Variants in SUFU observed in about 807,000 individuals in gnomAD.
SUFU encodes suppressor of fused homolog.
SUFU carries 7 observed loss-of-function variants against 58.9 expected under a neutral mutation model. That is an observed-to-expected ratio of 0.12 (90% CI 0.07 to 0.22). The LOEUF (loss-of-function observed/expected upper bound fraction) is 0.22. SUFU is among the 10% of genes least tolerant of loss of function. The pLI is 1.00. For synonymous variants in SUFU, 232 were observed against 254.8 expected (o/e 0.91, Z 0.85); for missense variants, 451 against 641.3 (o/e 0.70, Z 3.20).
chr10:102,629,979 G>A lies in SUFU; in HGVS notation c.1366-87G>A, dbSNP rs952286026. On this transcript the variant is annotated intron_variant, in intron 11 of 11. Coordinates refer to ENST00000369902, the MANE Select transcript of SUFU (RefSeq NM_016169.4). The surrounding 1 kb of genome is among the most constrained non-coding windows in gnomAD (Gnocchi z 4.7). ...CGGCCTGTCCTATCCCTAGCTCCCC[G>A]GGGACAGGCCTGGGCAATCTCTGGA... The A allele has an allele frequency of 6.4e-5, 80 of 1,253,024 alleles. No individual in the cohort carries two copies. Among genetic ancestry groups the A allele is most frequent in the South Asian group, 2.6e-4 (22 of 83,818 alleles). The allele number at this position is 1,253,024 out of a possible 1,614,324, so 77.6% of individuals were successfully genotyped here. A position where few individuals can be genotyped will look rare whatever the true frequency, so the allele number is the denominator to read the frequency against.
intron 2 of SUFU, among the ~76,000 whole-genome samples, chr10:102,533,575 A>T (rs978187348): frequency 2.0e-5 from 3 of 152,094 alleles, no homozygotes; most frequent in African/African-American, 7.2e-5. Flanking sequence ...CCCTGTCTTG[A>T]AAAAAAGCAA....
At chr10:102,594,159 T>G in intron 6 of SUFU, 94 bp downstream of exon 6, 1 of 1,229,950 alleles carries the variant, frequency 8.1e-7, no homozygotes, top group African/African-American at 1.5e-5. Context: ...AGAGGACCTT[T>G]ATGTGTGAGT....
At chr10:102,618,939 T>TGTGTGTGC (rs1273239801) in intron 10 of SUFU, 429 of 523,508 alleles carry the variant, frequency 8.2e-4, no homozygotes, top group South Asian at 7.9e-3. Context: ...AGCGTGTGTG[T>TGTGTGTGC]GTGTGTGTGT....
intron 3 of SUFU, among the ~76,000 whole-genome samples, chr10:102,579,242 G>T (rs537783832): frequency 1.3e-5 from 2 of 152,176 alleles, no homozygotes; most frequent in Non-Finnish European, 2.9e-5. Context: ...ACCCTCATTG[G>T]GGGGAGAATG....
intron 3 of SUFU, among the ~76,000 whole-genome samples, chr10:102,580,223 C>T (rs1356556517): frequency 3.3e-5 from 5 of 152,110 alleles, no homozygotes; most frequent in East Asian, 1.9e-4. Flanking sequence ...GGCAGGGGTG[C>T]GAAATTCTGT....
At chr10:102,593,952 A>T (rs2063433369) in intron 5 of SUFU, 41 bp from the exon 6 acceptor site, 1 of 1,611,662 alleles carries the variant, frequency 6.2e-7, no homozygotes, top group African/African-American at 1.3e-5. Context: ...CATCAGCCCC[A>T]GACCCTCAGT....
chr10:102,590,153 CTTTTTTCTT>C (rs1471045183), intron 3 of SUFU, among the ~76,000 whole-genome samples: 3 of 73,840 alleles, frequency 4.1e-5, no homozygotes, highest in Non-Finnish European at 4.8e-5. Flanking sequence ...TTTTTTTTTT[CTTTTTTCTT>C]TTTTTTTTTT....
At chr10:102,569,114 T>C (rs538656647) in intron 3 of SUFU, among the ~76,000 whole-genome samples, 1 of 151,528 alleles carries the variant, frequency 6.6e-6, no homozygotes, top group Admixed American at 6.6e-5. Flanking sequence ...TGCCCATATA[T>C]GAACATCTTG....
At chr10:102,605,456 G>A (rs749975885) in intron 8 of SUFU, among the ~76,000 whole-genome samples, 18 of 152,140 alleles carry the variant, frequency 1.2e-4, no homozygotes, top group Middle Eastern at 3.2e-3. Context: ...GCAGTGAACC[G>A]TGATCACACC....
chr10:102,565,846 G>A (rs369465478), intron 3 of SUFU, among the ~76,000 whole-genome samples: 4 of 152,162 alleles, frequency 2.6e-5, no homozygotes, highest in Admixed American at 6.5e-5. Context: ...ACGCCTGGCC[G>A]AAAGCATTTA....
At chr10:102,522,090 C>T (rs1380298559) in intron 2 of SUFU, among the ~76,000 whole-genome samples, 1 of 152,206 alleles carries the variant, frequency 6.6e-6, no homozygotes, top group Non-Finnish European at 1.5e-5. Flanking sequence ...TCCCTGCTAC[C>T]TGCTTAACGC....
In SUFU at chr10:102,604,495, G is replaced by A. The variant is rs186238997; in HGVS notation, c.1022+4951G>A. ...TTCCTTGCTGGTGCTTGAATTCTCA[G>A]TCCAAACGCTGCATCCCCCTCCCTC... On this transcript the variant is annotated intron_variant, in intron 8 of 11. Transcript: ENST00000369902. 2.6e-5 allele frequency among the ~76,000 whole-genome samples: 4 copies of A among 152,290 alleles called. No individual in the cohort carries two copies. The East Asian group carries it at 7.7e-4, about 29-fold the overall frequency.
chr10:102,593,029 C>T (rs893819022), intron 4 of SUFU, among the ~76,000 whole-genome samples: 1 of 152,124 alleles, frequency 6.6e-6, no homozygotes, highest in African/African-American at 2.4e-5. Flanking sequence ...GACTTTCCAG[C>T]GGGAAGCCAG....
At chr10:102,593,505 C>T in intron 4 of SUFU, 131 bp from the exon 5 acceptor site, 1 of 919,354 alleles carries the variant, frequency 1.1e-6, no homozygotes, top group Non-Finnish European at 1.8e-6. Flanking sequence ...ATCTTGGCTG[C>T]ACCAGCTCCT....
intron 3 of SUFU, among the ~76,000 whole-genome samples, chr10:102,566,690 G>C (rs1272537598): frequency 6.6e-6 from 1 of 151,180 alleles, no homozygotes; most frequent in African/African-American, 2.4e-5. Flanking sequence ...GCCTGAACTT[G>C]GGAGGCGGAG....
Position 102,504,281 on chromosome 10 carries a change from C to T in SUFU, c.129C>T (p.Arg43=), listed in dbSNP as rs1453485604. The T allele has an allele frequency of 2.5e-6, 4 of 1,614,082 alleles. No individual in the cohort carries two copies. The South Asian group carries it at 3.3e-5, about 13-fold the overall frequency. Residue 43 remains arginine (R), a synonymous_variant, in exon 1 of 12, where the codon CGC becomes CGT. Coordinates refer to ENST00000369902, the MANE Select transcript of SUFU (RefSeq NM_016169.4). ...ACGCCATCTACGGAGAGTGCCGCCG[C>T]CTTTACCCTGACCAGCCGAACCCGC... is the stretch of plus-strand genomic sequence containing the variant. ...GLHAIYGECR[R]LYPDQPNPLQ...
intron 3 of SUFU, among the ~76,000 whole-genome samples, chr10:102,569,099 A>G (rs2063135685): frequency 6.6e-6 from 1 of 151,214 alleles, no homozygotes; most frequent in South Asian, 2.1e-4. Context: ...ACACTATAAG[A>G]TTGTTGCCCA....
At chr10:102,567,006 CTTT>C (rs1175563323) in intron 3 of SUFU, among the ~76,000 whole-genome samples, 4 of 64,668 alleles carry the variant, frequency 6.2e-5, no homozygotes, top group South Asian at 7.3e-4. Flanking sequence ...GAAACAGGCT[CTTT>C]TTTTTTTTTT....
chr10:102,510,070 G>A lies in SUFU; in HGVS notation c.317+767G>A, dbSNP rs557354085. Among the ~76,000 whole-genome samples, 3 of 151,726 alleles carry A rather than the reference G, an allele frequency of 2.0e-5. No homozygotes were observed. The South Asian group carries it at 6.3e-4, about 32-fold the overall frequency. On this transcript the variant is annotated intron_variant, in intron 2 of 11. Coordinates refer to ENST00000369902, the MANE Select transcript of SUFU (RefSeq NM_016169.4). ...TGCCCAGGCTGGTCTCAAACTCCTG[G>A]GCTTAAGCAGTTCTTCCACCTCAGC...
Sources: allele counts gnomAD v4.1 joint callset (sites outside exome capture counted in the v4.1 genomes callset), GRCh38; gene constraint gnomAD v4.1.1; non-coding constraint Gnocchi (gnomAD v3.1); transcripts MANE v1.5; gene names NCBI Gene and HGNC (gene_info 2026-07-23, HGNC 2026-07-21).